The following DLG2 variants were observed in gnomAD, a reference collection of about 807,000 sequenced individuals.
The protein encoded by DLG2 is discs large MAGUK scaffold protein 2, also known as disks large homolog 2.
A neutral mutation model predicts 132.5 loss-of-function variants in DLG2; 45 were observed. The observed-to-expected ratio is 0.34, with a 90% CI of 0.27 to 0.44. DLG2 has a LOEUF of 0.44. Ranked by LOEUF, DLG2 falls within the 20% of genes least tolerant of loss-of-function variation. The pLI, the probability that DLG2 is intolerant of heterozygous loss-of-function variation, is 1.00. For synonymous variants in DLG2, 424 were observed against 419.6 expected (o/e 1.01, Z -0.13); for missense variants, 1,045 against 1,196.9 (o/e 0.87, Z 1.87).
intron 18 of DLG2, among the ~76,000 whole-genome samples, chr11:83,723,622 A>G (rs964316356): frequency 6.6e-6 from 1 of 152,166 alleles, no homozygotes; most frequent in Admixed American, 6.5e-5. Flanking sequence ...TGGGAGGCCA[A>G]GGCAGGTGGA....
At chr11:83,756,994 C>T (rs1488463317) in intron 18 of DLG2, among the ~76,000 whole-genome samples, 5 of 152,152 alleles carry the variant, frequency 3.3e-5, no homozygotes, top group African/African-American at 9.7e-5. Context: ...AACAAACATA[C>T]ACAATATGCA....
chr11:84,516,121 T>C (rs1168390277), intron 7 of DLG2, among the ~76,000 whole-genome samples: 1 of 119,274 alleles, frequency 8.4e-6, no homozygotes, highest in Non-Finnish European at 1.8e-5. Context: ...AATAAATGTC[T>C]ACATCAAAAA....
At chr11:84,578,776 T>C (rs1038200169) in intron 6 of DLG2, among the ~76,000 whole-genome samples, 4 of 152,092 alleles carry the variant, frequency 2.6e-5, no homozygotes, top group African/African-American at 9.7e-5. Flanking sequence ...TGACTGGTTT[T>C]GGAATGCGAA....
chr11:83,678,674 T>A (rs1291095513), intron 18 of DLG2, among the ~76,000 whole-genome samples: 1 of 152,100 alleles, frequency 6.6e-6, no homozygotes, highest in Non-Finnish European at 1.5e-5. Context: ...CTGAATGTGA[T>A]CCAGAAGGGA....
intron 6 of DLG2, among the ~76,000 whole-genome samples, chr11:84,683,448 G>T (rs879832255): frequency 1.3e-5 from 2 of 152,136 alleles, no homozygotes; most frequent in Admixed American, 1.3e-4. Flanking sequence ...AACAATCATA[G>T]TCCAAATATT....
At chr11:85,300,674 A>C (rs2079532108) in intron 3 of DLG2, among the ~76,000 whole-genome samples, 1 of 152,222 alleles carries the variant, frequency 6.6e-6, no homozygotes, top group Admixed American at 6.5e-5. Flanking sequence ...AGTTTAATCA[A>C]GTTACTACTA....
At chr11:84,138,525 A>G (rs1044098080) in intron 9 of DLG2, among the ~76,000 whole-genome samples, 1 of 152,338 alleles carries the variant, frequency 6.6e-6, no homozygotes, top group Non-Finnish European at 1.5e-5. Context: ...ATGCTTGAAG[A>G]GAAGGGGATT....
At chr11:84,573,169 T>C (rs569595426) in intron 6 of DLG2, among the ~76,000 whole-genome samples, 1 of 152,304 alleles carries the variant, frequency 6.6e-6, no homozygotes, top group African/African-American at 2.4e-5. Context: ...GCTAGTGGTA[T>C]TCAACATGTG....
chr11:85,054,444 C>T (rs1262565929), intron 6 of DLG2, among the ~76,000 whole-genome samples: 7 of 152,184 alleles, frequency 4.6e-5, no homozygotes, highest in Non-Finnish European at 7.3e-5. Context: ...AATTCAGCCA[C>T]TGTGGAAAGC....
At chr11:84,988,768 A>C (rs1278568423) in intron 6 of DLG2, among the ~76,000 whole-genome samples, 11 of 152,178 alleles carry the variant, frequency 7.2e-5, no homozygotes, top group Non-Finnish European at 1.5e-5. Context: ...AATTGGGTGT[A>C]ATATATACTT....
intron 15 of DLG2, among the ~76,000 whole-genome samples, chr11:83,896,133 C>A (rs187611756): frequency 5.9e-5 from 9 of 152,038 alleles, no homozygotes; most frequent in South Asian, 2.1e-4. Flanking sequence ...CTAAAAAGGA[C>A]AATATAAATA....
rs549198984 is a variant in DLG2, at chr11:85,045,864, C to T, written c.357+65797G>A. 2.0e-5 allele frequency among the ~76,000 whole-genome samples: 3 copies of T among 152,156 alleles called. No individual in the cohort carries two copies. The East Asian group carries it at 5.8e-4, about 29-fold the overall frequency. On this transcript the variant is annotated intron_variant, in intron 6 of 27. Transcript: ENST00000376104. ...AGAAGAATAACTTCTCTAGCGATGT[C>T]TGTTATTCTCTACAGGATTTTAAAC...
chr11:84,923,022 C>A, intron 6 of DLG2: 1 of 1,607,536 alleles, frequency 6.2e-7, no homozygotes, highest in Non-Finnish European at 8.5e-7. Context: ...TAGACATTTT[C>A]TGCAGCTGGT....
At chr11:83,887,114 G>A (rs2068125656) in intron 15 of DLG2, among the ~76,000 whole-genome samples, 1 of 152,168 alleles carries the variant, frequency 6.6e-6, no homozygotes, top group Admixed American at 6.5e-5. Flanking sequence ...AGAACTGAAG[G>A]AAATAGAGAC....
intron 3 of DLG2, among the ~76,000 whole-genome samples, chr11:85,536,004 T>C (rs2075553686): frequency 6.6e-6 from 1 of 151,632 alleles, no homozygotes; most frequent in Non-Finnish European, 1.5e-5. Flanking sequence ...TGGCTTGAGC[T>C]CAGGAGTTAG....
At chr11:84,835,210 G>A (rs2154000693) in intron 6 of DLG2, among the ~76,000 whole-genome samples, 1 of 151,742 alleles carries the variant, frequency 6.6e-6, no homozygotes, top group East Asian at 2.0e-4. Flanking sequence ...AGAGGGCAGG[G>A]ATACTTTTGT....
At chr11:84,546,598 G>A (rs1452683734) in intron 6 of DLG2, 3 of 478,648 alleles carry the variant, frequency 6.3e-6, no homozygotes, top group East Asian at 5.3e-5. Flanking sequence ...TTGGTTCCAC[G>A]ACTCTCTCAT....
intron 4 of DLG2, among the ~76,000 whole-genome samples, chr11:85,231,550 CTA>C (rs1408369124): frequency 6.6e-6 from 1 of 151,816 alleles, no homozygotes; most frequent in Non-Finnish European, 1.5e-5. Flanking sequence ...TCACCAATCT[CTA>C]TTGACTATTT....
intron 7 of DLG2, among the ~76,000 whole-genome samples, chr11:84,304,818 T>C (rs2098197251): frequency 6.6e-6 from 1 of 152,222 alleles, no homozygotes; most frequent in East Asian, 1.9e-4. Flanking sequence ...GGCTGTAGTT[T>C]GGTGACTCCT....
Sources: gnomAD v4.1 joint callset for allele counts (sites outside exome capture counted in the v4.1 genomes callset) on GRCh38, gnomAD v4.1.1 for gene constraint, MANE v1.5 for transcripts, NCBI Gene and HGNC (gene_info 2026-07-23, HGNC 2026-07-21) for gene names.